Variants in DLG2 observed in about 807,000 individuals in gnomAD.
The protein encoded by DLG2 is discs large MAGUK scaffold protein 2, also known as disks large homolog 2.
Under a neutral mutation model 132.5 loss-of-function variants are expected in DLG2, and 45 were observed. That is an observed-to-expected ratio of 0.34 (90% CI 0.27 to 0.44). The LOEUF is 0.44. Among genes scored for constraint, DLG2 ranks in the 20% least tolerant of loss-of-function variants. The pLI is 1.00. For missense variants in DLG2, 1,045 were observed against 1,196.9 expected (o/e 0.87, Z 1.87); for synonymous variants, 424 against 419.6 (o/e 1.01, Z -0.13).
chr11:84,163,729 T>C (rs563283515), intron 8 of DLG2, among the ~76,000 whole-genome samples: 9 of 152,308 alleles, frequency 5.9e-5, no homozygotes, highest in South Asian at 2.1e-4. Flanking sequence ...TCAAAGATTA[T>C]TGCTTCCCTT....
chr11:85,559,676 A>T (rs939033912), intron 3 of DLG2, among the ~76,000 whole-genome samples: 2 of 151,790 alleles, frequency 1.3e-5, no homozygotes, highest in Non-Finnish European at 2.9e-5. Flanking sequence ...AAATTATTTA[A>T]GACAGGTAAA....
chr11:84,273,332 C>T, intron 7 of DLG2: 1 of 1,315,886 alleles, frequency 7.6e-7, no homozygotes, highest in Non-Finnish European at 9.8e-7. Context: ...AAAAAAAACC[C>T]TGCAGATCTG....
At chr11:84,799,851 G>A (rs2075150561) in intron 6 of DLG2, among the ~76,000 whole-genome samples, 1 of 152,052 alleles carries the variant, frequency 6.6e-6, no homozygotes, top group South Asian at 2.1e-4. Context: ...GTTTTCATTT[G>A]TTTTTCTATT....
chr11:84,844,227 A>G (rs988358036), intron 6 of DLG2, among the ~76,000 whole-genome samples: 21 of 147,558 alleles, frequency 1.4e-4, no homozygotes, highest in Admixed American at 4.8e-4. Context: ...TAGTGCCCAA[A>G]ATGTATTTAA....
At chr11:84,446,624 T>G (rs2099035866) in intron 7 of DLG2, among the ~76,000 whole-genome samples, 1 of 152,030 alleles carries the variant, frequency 6.6e-6, no homozygotes, top group South Asian at 2.1e-4. Context: ...GGTTTAAATT[T>G]ACTCTTTTTT....
At chr11:85,545,572 C>T (rs2076259634) in intron 3 of DLG2, among the ~76,000 whole-genome samples, 1 of 152,100 alleles carries the variant, frequency 6.6e-6, no homozygotes, top group Non-Finnish European at 1.5e-5. Context: ...GGTACCAGCT[C>T]CTCCTTGTAC....
intron 18 of DLG2, among the ~76,000 whole-genome samples, chr11:83,696,602 A>G (rs1199016417): frequency 6.6e-6 from 1 of 152,228 alleles, no homozygotes; most frequent in Non-Finnish European, 1.5e-5. Context: ...TGATACATTA[A>G]GTACAAAATG....
Position 85,490,974 on chromosome 11 carries a change from G to C in DLG2, c.40+107683C>G, listed in dbSNP as rs1369064430. 3.3e-5 allele frequency among the ~76,000 whole-genome samples: 5 copies of C among 152,024 alleles called. No individual in the cohort carries two copies. The South Asian group carries it at 8.3e-4, about 25-fold the overall frequency. On this transcript the variant is annotated intron_variant, in intron 3 of 27. Transcript: ENST00000376104. ...AACCAGACAAGGATACAACAAAAAA[G>C]AAAACTATAGACCAATATCCCTGAT...
chr11:85,113,561 C>T (rs1184020304), intron 5 of DLG2, among the ~76,000 whole-genome samples: 1 of 151,988 alleles, frequency 6.6e-6, no homozygotes, highest in Admixed American at 6.6e-5. Context: ...CTAGTGATGA[C>T]ACATGTCATG....
At chr11:83,853,646 G>C (rs1408401339) in intron 16 of DLG2, among the ~76,000 whole-genome samples, 1 of 152,088 alleles carries the variant, frequency 6.6e-6, no homozygotes, top group Non-Finnish European at 1.5e-5. Flanking sequence ...TACTTTGTGA[G>C]TTAGTGTCTG....
intron 6 of DLG2, among the ~76,000 whole-genome samples, chr11:84,607,139 T>G (rs2099587283): frequency 1.3e-5 from 2 of 152,096 alleles, no homozygotes; most frequent in South Asian, 4.1e-4. Flanking sequence ...TGAGCCCTTT[T>G]CAATGAGATA....
intron 6 of DLG2, among the ~76,000 whole-genome samples, chr11:85,055,849 T>C (rs570973204): frequency 5.9e-5 from 9 of 152,094 alleles, no homozygotes; most frequent in Non-Finnish European, 1.0e-4. Context: ...AAGGCAGAGA[T>C]AGGGTTAGGG....
chr11:83,652,401 C>A (rs949138964), intron 18 of DLG2, among the ~76,000 whole-genome samples: 2 of 152,144 alleles, frequency 1.3e-5, no homozygotes, highest in Non-Finnish European at 2.9e-5. Flanking sequence ...GATGGAGTCT[C>A]GCTCTGTCAC....
At chr11:83,712,493 GGT>G (rs2085680182) in intron 18 of DLG2, among the ~76,000 whole-genome samples, 1 of 152,068 alleles carries the variant, frequency 6.6e-6, no homozygotes, top group South Asian at 2.1e-4. Context: ...AGCCCGGTGT[GGT>G]GTTGCATGCC....
intron 6 of DLG2, among the ~76,000 whole-genome samples, chr11:84,878,818 A>T (rs1004487237): frequency 7.9e-5 from 12 of 152,194 alleles, no homozygotes; most frequent in African/African-American, 1.9e-4. Context: ...TCAAATTAGA[A>T]GACAAGGATA....
At chr11:85,618,650 T>C (rs1203146198) in intron 2 of DLG2, among the ~76,000 whole-genome samples, 1 of 152,228 alleles carries the variant, frequency 6.6e-6, no homozygotes, top group East Asian at 1.9e-4. Flanking sequence ...TTGAGTACTA[T>C]GCTCAATACC....
At chr11:84,859,072 T>G (rs529081273) in intron 6 of DLG2, among the ~76,000 whole-genome samples, 1 of 151,996 alleles carries the variant, frequency 6.6e-6, no homozygotes, top group South Asian at 2.1e-4. Flanking sequence ...TAATACAACC[T>G]ACTTCATAGG....
At chr11:85,036,841 G>C (rs1230006588) in intron 6 of DLG2, among the ~76,000 whole-genome samples, 1 of 152,146 alleles carries the variant, frequency 6.6e-6, no homozygotes, top group Non-Finnish European at 1.5e-5. Flanking sequence ...TTAAAAGGAT[G>C]TATCAAGGCA....
At chr11:83,827,066 C>T (rs187687211) in intron 17 of DLG2, among the ~76,000 whole-genome samples, 80 of 152,138 alleles carry the variant, frequency 5.3e-4, no homozygotes, top group African/African-American at 1.8e-3. Flanking sequence ...TTCATGGGAC[C>T]GGGAACCAGA....
Sources: allele counts gnomAD v4.1 joint callset (sites outside exome capture counted in the v4.1 genomes callset), GRCh38; gene constraint gnomAD v4.1.1; transcripts MANE v1.5; gene names NCBI Gene and HGNC (gene_info 2026-07-23, HGNC 2026-07-21).